PIK3C2B: variants seen among roughly 807,000 people sequenced by gnomAD.
The protein encoded by PIK3C2B is phosphatidylinositol 4-phosphate 3-kinase C2 domain-containing subunit beta.
Under a neutral mutation model 184.3 loss-of-function variants are expected in PIK3C2B, and 83 were observed. That is an observed-to-expected ratio of 0.45 (90% CI 0.38 to 0.54). The LOEUF is 0.54. Ranked by LOEUF, PIK3C2B falls within the 20% of genes least tolerant of loss-of-function variation. The pLI is 0.00. For missense variants in PIK3C2B, 1,736 were observed against 2,113.5 expected, an observed-to-expected ratio of 0.82 and a Z score of 3.50; for synonymous variants, 779 against 837.6, an observed-to-expected ratio of 0.93 and a Z score of 1.21.
At position 204,494,793 on chromosome 1, in the gene PIK3C2B, CAGCGCCGA is replaced by C. The variant is rs1658265678; in HGVS notation, c.-530_-523del. 6.6e-6 allele frequency: 1 copy of C among 152,092 alleles called. No individual in the cohort carries two copies. The highest frequency in any genetic ancestry group is 1.5e-5 in the Non-Finnish European group (1 of 68,020). The allele number at this position is 152,092 out of a possible 1,614,324, so 9.4% of individuals were successfully genotyped here. Reference sequence around the variant, plus strand: ...GGCACCCGGCCGCCGGCTCCAGCCGCAGCGCCGAATCCGCCGCGAGCCGGAGGGCGGGG... The same window carrying C: ...GGCACCCGGCCGCCGGCTCCAGCCGCATCCGCCGCGAGCCGGAGGGCGGGG... On this transcript the variant is annotated 5_prime_UTR_variant, in exon 1 of 33. The change creates a new upstream start codon in the 5' untranslated region. Transcript: ENST00000684373.
intron 1 of PIK3C2B, among the ~76,000 whole-genome samples, chr1:204,482,582 C>T (rs1275757778): frequency 2.6e-5 from 4 of 151,942 alleles, no homozygotes; most frequent in African/African-American, 7.3e-5. Context: ...GTCAGGAGTT[C>T]GAGACCAGCC....
intron 1 of PIK3C2B, among the ~76,000 whole-genome samples, chr1:204,476,541 C>A (rs1656726129): frequency 1.3e-5 from 2 of 152,200 alleles, no homozygotes; most frequent in South Asian, 4.1e-4. Flanking sequence ...GACCCTGTCT[C>A]AAATTAAATT....
At chr1:204,463,546 C>T (rs1210876024) in intron 5 of PIK3C2B, among the ~76,000 whole-genome samples, 1 of 152,128 alleles carries the variant, frequency 6.6e-6, no homozygotes, top group Admixed American at 6.5e-5. Flanking sequence ...GGGGAAAAGA[C>T]TTGTTGGCAG....
In PIK3C2B at chr1:204,452,024, C is replaced by T. The variant is rs146715187; in HGVS notation, c.2067-2007G>A. ...AAAGACTGTCCTCTGAACGCTGGCA[C>T]GCCTTCCCCCAAATGTCCTGGTCTT... On this transcript the variant is annotated intron_variant, in intron 12 of 32. Transcript: ENST00000684373. 3.3e-5 allele frequency among the ~76,000 whole-genome samples: 5 copies of T among 152,332 alleles called. No homozygotes were observed. The East Asian group carries it at 9.7e-4, about 29-fold the overall frequency.
At chr1:204,467,712 G>A (rs1310721602) in intron 2 of PIK3C2B, among the ~76,000 whole-genome samples, 1 of 151,740 alleles carries the variant, frequency 6.6e-6, no homozygotes, top group South Asian at 2.1e-4. Flanking sequence ...GCAGGTGCCT[G>A]TAATCCCAGC....
intron 31 of PIK3C2B, among the ~76,000 whole-genome samples, chr1:204,426,961 C>A (rs567425443): frequency 1.3e-5 from 2 of 152,068 alleles, no homozygotes; most frequent in Admixed American, 6.6e-5. Flanking sequence ...CATAGTGAAA[C>A]CCGGTCTCTA....
intron 28 of PIK3C2B, among the ~76,000 whole-genome samples, chr1:204,430,989 T>C (rs995032925): frequency 6.6e-6 from 1 of 152,252 alleles, no homozygotes; most frequent in African/African-American, 2.4e-5. Flanking sequence ...CAGTAAAATA[T>C]GTGTAACATA....
At chr1:204,472,599 T>C (rs1302451164) in intron 1 of PIK3C2B, among the ~76,000 whole-genome samples, 1 of 152,024 alleles carries the variant, frequency 6.6e-6, no homozygotes, top group African/African-American at 2.4e-5. Context: ...GCTAACATGG[T>C]GAAACCTCGT....
intron 1 of PIK3C2B, among the ~76,000 whole-genome samples, chr1:204,473,309 C>T (rs1232543768): frequency 6.6e-6 from 1 of 152,230 alleles, no homozygotes; most frequent in Non-Finnish European, 1.5e-5. Context: ...AAGGACAGAC[C>T]GGCCCAAGCC....
At chr1:204,435,300 G>A (rs1675282624) in intron 23 of PIK3C2B, 1 of 152,000 alleles carries the variant, frequency 6.6e-6, no homozygotes, top group Non-Finnish European at 1.5e-5. Context: ...ATCTTATTTT[G>A]TCTGGTCAAC....
At chr1:204,455,563 C>G (rs770208795) in intron 11 of PIK3C2B, among the ~76,000 whole-genome samples, 7 of 152,088 alleles carry the variant, frequency 4.6e-5, no homozygotes, top group Non-Finnish European at 8.8e-5. Flanking sequence ...TGCCATGTCT[C>G]CTTCCACTGG....
At chr1:204,481,478 C>T (rs891502827) in intron 1 of PIK3C2B, among the ~76,000 whole-genome samples, 1 of 151,996 alleles carries the variant, frequency 6.6e-6, no homozygotes, top group South Asian at 2.1e-4. Context: ...AGGATGGTCT[C>T]GATCTCCTGA....
chr1:204,442,082 C>G (rs1675696331), intron 20 of PIK3C2B, among the ~76,000 whole-genome samples: 1 of 152,198 alleles, frequency 6.6e-6, no homozygotes, highest in Non-Finnish European at 1.5e-5. Context: ...GCCCAACCTC[C>G]AACCCAATTC....
chr1:204,455,903 G>T lies in PIK3C2B; in HGVS notation c.1896C>A (p.Ala632=). ...QEACHFARSL[A]FTVYATHRIP... ...TGCGGTGGGTGGCATAGACAGTGAA[G>T]GCCAGGGACCTGGCGAAATGGCAGG... The change falls in exon 11 of 33, where the codon GCC becomes GCA. Residue 632 remains alanine (A), a synonymous_variant. Transcript: ENST00000684373. The T allele has an allele frequency of 6.2e-7, 1 of 1,614,150 alleles. No homozygotes were observed. Among genetic ancestry groups the T allele is most frequent in the African/African-American group, 1.3e-5 (1 of 75,072 alleles).
At chr1:204,441,602 C>A (rs769025113) in intron 20 of PIK3C2B, 39 bp from the exon 21 acceptor site, 19 of 1,447,628 alleles carry the variant, frequency 1.3e-5, no homozygotes, top group South Asian at 4.7e-5. Context: ...GTCAGAGTGG[C>A]CCATGCCAGG....
chr1:204,482,660 T>G (rs1178368290), intron 1 of PIK3C2B, among the ~76,000 whole-genome samples: 1 of 151,814 alleles, frequency 6.6e-6, no homozygotes, highest in Non-Finnish European at 1.5e-5. Flanking sequence ...GGTGGGTGCC[T>G]GTAACACCAG....
chr1:204,463,912 G>A, intron 5 of PIK3C2B, 100 bp downstream of exon 5: 2 of 1,215,388 alleles, frequency 1.6e-6, no homozygotes, highest in Non-Finnish European at 2.3e-6. Flanking sequence ...CTGTGGGATT[G>A]GGGCGGAGCT....
intron 23 of PIK3C2B, among the ~76,000 whole-genome samples, chr1:204,437,145 TG>T (rs1675387780): frequency 6.6e-6 from 1 of 151,970 alleles, no homozygotes; most frequent in African/African-American, 2.4e-5. Context: ...AGGCTCTGTG[TG>T]CAATGCTATC....
chr1:204,486,986 T>C (rs1051646183), intron 1 of PIK3C2B, among the ~76,000 whole-genome samples: 1 of 152,184 alleles, frequency 6.6e-6, no homozygotes, highest in Non-Finnish European at 1.5e-5. Flanking sequence ...CTTTGTATTT[T>C]CAGTAGAGAC....
Sources: gnomAD v4.1 joint callset for allele counts (sites outside exome capture counted in the v4.1 genomes callset) on GRCh38, gnomAD v4.1.1 for gene constraint, MANE v1.5 for transcripts, NCBI Gene and HGNC (gene_info 2026-07-23, HGNC 2026-07-21) for gene names.